SASH1: variants seen among roughly 807,000 people sequenced by gnomAD.
SASH1 encodes SAM and SH3 domain-containing protein 1.
Under a neutral mutation model 125.2 loss-of-function variants are expected in SASH1, and 44 were observed. The ratio of observed to expected loss-of-function variants is 0.35; its 90% CI spans 0.28 to 0.45. SASH1 has a LOEUF of 0.45. Among genes scored for constraint, SASH1 ranks in the 20% least tolerant of loss-of-function variants. SASH1 has a pLI of 1.00. For synonymous variants in SASH1, 639 were observed against 649.1 expected (o/e 0.98, Z 0.24); for missense variants, 1,426 against 1,614.5 (o/e 0.88, Z 2.00).
At chr6:148,219,191 T>C in the SASH1 span, among the ~76,000 whole-genome samples, 269 of 152,222 alleles carry the variant, frequency 1.8e-3, 1 homozygote, top group African/African-American at 6.2e-3. Context: ...TTGGCCTAGG[T>C]TCTCCATCTC....
intron 1 of SASH1, among the ~76,000 whole-genome samples, chr6:148,350,990 A>G (rs1781705742): frequency 1.3e-5 from 2 of 152,100 alleles, no homozygotes; most frequent in African/African-American, 4.8e-5. Flanking sequence ...TGTTCTCTGA[A>G]GTGTTTCACT....
At chr6:148,536,417 G>A (rs765044977) in intron 16 of SASH1, among the ~76,000 whole-genome samples, 35 of 152,254 alleles carry the variant, frequency 2.3e-4, no homozygotes, top group African/African-American at 5.1e-4. Flanking sequence ...TTGGTTCACC[G>A]CAACCTCCGC....
intron 2 of SASH1, among the ~76,000 whole-genome samples, chr6:148,411,166 C>CAAAAAAAAAAAAAAAAAAAA (rs56342457): frequency 6.5e-5 from 3 of 46,182 alleles, no homozygotes; most frequent in African/African-American, 8.6e-5. Context: ...ACTCCATCTC[C>CAAAAAAAAAAAAAAAAAAAA]AAAAAAAAAA....
chr6:148,273,296 C>CTTT lies in SASH1; in HGVS notation n.74+932_74+934dup, dbSNP rs758727802. On this transcript the variant is annotated intron_variant and non_coding_transcript_variant, in intron 1 of 3. Transcript: ENST00000367469. Reference sequence around the variant, plus strand: ...TTCTTTTTTAAATTTTTCTTTCTTTCTTTTTTTTTTTTTTTGAGACAGAGT... The same window carrying CTTT: ...TTCTTTTTTAAATTTTTCTTTCTTTCTTTTTTTTTTTTTTTTTTGAGACAGAGT... 2.3e-3 allele frequency among the ~76,000 whole-genome samples: 308 copies of CTTT among 134,662 alleles called. 7 individuals are homozygous for CTTT. Among genetic ancestry groups the CTTT allele is most frequent in the South Asian group, 4.1e-3 (17 of 4,160 alleles). 88.3% of individuals were successfully genotyped at this position (134,662 alleles called of 152,430 possible). A position where few individuals can be genotyped will look rare whatever the true frequency, so the allele number is the denominator to read the frequency against.
At chr6:148,547,342 T>C (rs751471605) in intron 19 of SASH1, among the ~76,000 whole-genome samples, 1 of 152,162 alleles carries the variant, frequency 6.6e-6, no homozygotes, top group Non-Finnish European at 1.5e-5. Flanking sequence ...GGGATGATTG[T>C]CAGGTGGGAC....
At chr6:148,421,792 AT>A (rs1385706429) in intron 2 of SASH1, among the ~76,000 whole-genome samples, 1 of 152,206 alleles carries the variant, frequency 6.6e-6, no homozygotes, top group Non-Finnish European at 1.5e-5. Context: ...AAGTAATCTT[AT>A]TGTGCTTTTA....
At chr6:148,240,964 A>G in the SASH1 span, among the ~76,000 whole-genome samples, 1 of 152,120 alleles carries the variant, frequency 6.6e-6, no homozygotes, top group Non-Finnish European at 1.5e-5. Context: ...TTGCCTGCAT[A>G]GTCACCATTT....
At chr6:148,354,895 G>A (rs1449904049) in intron 1 of SASH1, among the ~76,000 whole-genome samples, 2 of 152,134 alleles carry the variant, frequency 1.3e-5, no homozygotes. Context: ...AAGTAGCTGG[G>A]ATTAGGGGCA....
Position 148,548,562 on chromosome 6 carries a change from G to T in SASH1, c.*4G>T, listed in dbSNP as rs757306103. 1.3e-6 allele frequency: 2 copies of T among 1,588,172 alleles called. No homozygotes were observed. Among genetic ancestry groups the T allele is most frequent in the Non-Finnish European group, 1.7e-6 (2 of 1,168,372 alleles). The stretch of plus-strand genomic sequence containing the variant: ...GCCAGGCCCTGAGGCCATGTAGCCA[G>T]GCCCGGAATGGGCCTCTCTGGACAA... On this transcript the variant is annotated 3_prime_UTR_variant, in exon 20 of 20. Coordinates refer to ENST00000367467, the MANE Select transcript of SASH1 (RefSeq NM_015278.5).
intron 1 of SASH1, among the ~76,000 whole-genome samples, chr6:148,315,086 T>C (rs1300623167): frequency 2.0e-5 from 3 of 152,178 alleles, no homozygotes; most frequent in African/African-American, 7.2e-5. Context: ...AAGCAGTTAA[T>C]GATCTGCAAG....
In SASH1 at chr6:148,343,119, G is replaced by A. The variant is rs1781392575; in HGVS notation, c.52G>A (p.Glu18Lys). 6.3e-7 allele frequency: 1 copy of A among 1,589,874 alleles called. No homozygotes were observed. The highest frequency in any genetic ancestry group is 1.3e-5 in the African/African-American group (1 of 74,406). The stretch of plus-strand genomic sequence containing the variant: ...GGGGCCGGAGCCTGAGCCCGAGCCC[G>A]AGCCGGAGCCCGAGCCCGCGCCGGA... ...GPGPEPEPEP[E>K]PEPEPAPEPE... Residue 18 changes from glutamate (E) to lysine (K), a missense_variant, in exon 1 of 20, where the codon GAG becomes AAG. Glu to Lys is a moderately conservative substitution (Grantham distance 56). Transcript: ENST00000367467.
At chr6:148,271,201 C>T (rs533405785), upstream of SASH1, among the ~76,000 whole-genome samples, 8 of 152,184 alleles carry the variant, frequency 5.3e-5, no homozygotes, top group South Asian at 4.2e-4. Context: ...TGAGCCACCG[C>T]GCCCAGCTCA....
intron 4 of SASH1, among the ~76,000 whole-genome samples, chr6:148,448,912 C>T (rs986271610): frequency 6.6e-6 from 1 of 152,092 alleles, no homozygotes; most frequent in Non-Finnish European, 1.5e-5. Flanking sequence ...TGCCCTTCAC[C>T]CAGACTTTTT....
intron 1 of SASH1, among the ~76,000 whole-genome samples, chr6:148,352,766 C>G (rs1384000880): frequency 1.3e-5 from 2 of 152,006 alleles, no homozygotes; most frequent in East Asian, 3.9e-4. Flanking sequence ...GTCAGGAGTT[C>G]AAGACCGGCC....
chr6:148,517,166 C>G (rs1005882414), intron 9 of SASH1, among the ~76,000 whole-genome samples: 1 of 152,188 alleles, frequency 6.6e-6, no homozygotes, highest in Non-Finnish European at 1.5e-5. Context: ...GTTATCATCA[C>G]AACAGCCTTG....
At chr6:148,204,325 G>A in the SASH1 span, among the ~76,000 whole-genome samples, 1 of 152,314 alleles carries the variant, frequency 6.6e-6, no homozygotes, top group African/African-American at 2.4e-5. Context: ...TTTCACAGGG[G>A]AGAATTATCT....
At chr6:148,488,498 A>G (rs973771988) in intron 8 of SASH1, among the ~76,000 whole-genome samples, 3 of 152,352 alleles carry the variant, frequency 2.0e-5, no homozygotes, top group Middle Eastern at 3.4e-3. Context: ...TCTTTTGCAC[A>G]TACCTAGCAC....
At chr6:148,195,085 A>G in the SASH1 span, among the ~76,000 whole-genome samples, 1 of 152,230 alleles carries the variant, frequency 6.6e-6, no homozygotes, top group Non-Finnish European at 1.5e-5. Flanking sequence ...CATTTAATAC[A>G]TTTACTTTTG....
chr6:148,482,845 C>A (rs1392222987), intron 7 of SASH1, among the ~76,000 whole-genome samples: 1 of 151,874 alleles, frequency 6.6e-6, no homozygotes, highest in Non-Finnish European at 1.5e-5. Flanking sequence ...CGTGCCACAA[C>A]GCCCAGCTAA....
Sources: allele counts gnomAD v4.1 joint callset (sites outside exome capture counted in the v4.1 genomes callset), GRCh38; gene constraint gnomAD v4.1.1; transcripts MANE v1.5; gene names NCBI Gene and HGNC (gene_info 2026-07-23, HGNC 2026-07-21).